The following GSE1 variants were observed in gnomAD, a reference collection of about 807,000 sequenced individuals.
GSE1 encodes the protein Gse1 coiled-coil protein.
A neutral mutation model predicts 112.6 loss-of-function variants in GSE1; 32 were observed. The observed-to-expected ratio is 0.28, with a 90% CI of 0.21 to 0.38. GSE1 has a LOEUF of 0.38. GSE1 is among the 10% of genes least tolerant of loss of function. GSE1 has a pLI of 1.00. For missense variants in GSE1, 2,348 were observed against 1,699.2 expected (o/e 1.38, Z -6.71); for synonymous variants, 1,115 against 735.6 (o/e 1.52, Z -8.35).
intron 1 of GSE1, among the ~76,000 whole-genome samples, chr16:85,233,155 C>T (rs1259310902): frequency 6.6e-6 from 1 of 152,282 alleles, no homozygotes; most frequent in African/African-American, 2.4e-5. Flanking sequence ...TCTTCTCATC[C>T]CCGACAGTCC....
intron 1 of GSE1, among the ~76,000 whole-genome samples, chr16:85,560,696 C>CTGTA (rs768320675): frequency 1.8e-4 from 27 of 152,052 alleles, no homozygotes; most frequent in South Asian, 4.2e-4. Flanking sequence ...AAACCTTCCT[C>CTGTA]TGTATGTATG....
chr16:85,261,593 T>G (rs1040505587), intron 1 of GSE1, among the ~76,000 whole-genome samples: 1 of 152,072 alleles, frequency 6.6e-6, no homozygotes, highest in African/African-American at 2.4e-5. Context: ...GGCTGCCCCG[T>G]GTGGTAGAGG....
Position 85,676,042 on chromosome 16 carries a change from T to G in GSE1, c.*3503T>G, listed in dbSNP as rs1365329204. 1.3e-5 allele frequency: 2 copies of G among 152,668 alleles called. No homozygotes were observed. The highest frequency in any genetic ancestry group is 1.9e-4 in the East Asian group (1 of 5,196). 9.5% of individuals were successfully genotyped at this position (152,668 alleles called of 1,614,324 possible). A position where few individuals can be genotyped will look rare whatever the true frequency, so the allele number is the denominator to read the frequency against. Reference sequence around the variant, plus strand: ...AGGAACACCGGTGCCTCGGTCACTCTGGGGGCAGTTTAGATGCTGTGAAAT... The same window carrying G: ...AGGAACACCGGTGCCTCGGTCACTCGGGGGGCAGTTTAGATGCTGTGAAAT... On this transcript the variant is annotated 3_prime_UTR_variant, in exon 16 of 16. Transcript: ENST00000253458.
At chr16:85,385,466 C>T (rs1361982836) in intron 2 of GSE1, among the ~76,000 whole-genome samples, 1 of 152,068 alleles carries the variant, frequency 6.6e-6, no homozygotes, top group Non-Finnish European at 1.5e-5. Flanking sequence ...GACATACTTG[C>T]CTCCCACCAC....
At chr16:85,660,917 A>G (rs899485114) in intron 8 of GSE1, among the ~76,000 whole-genome samples, 1 of 152,262 alleles carries the variant, frequency 6.6e-6, no homozygotes, top group East Asian at 2.0e-4. Context: ...GGGATGAGCC[A>G]CTGCGCCCGG....
chr16:85,281,678 G>T (rs1176777320), intron 1 of GSE1, among the ~76,000 whole-genome samples: 1 of 152,138 alleles, frequency 6.6e-6, no homozygotes, highest in South Asian at 2.1e-4. Context: ...CCTGGTCACC[G>T]TGGGCAAAAC....
intron 2 of GSE1, among the ~76,000 whole-genome samples, chr16:85,536,279 G>A (rs560736411): frequency 4.6e-5 from 7 of 152,214 alleles, no homozygotes; most frequent in South Asian, 4.1e-4. Flanking sequence ...AGGAGGTGTC[G>A]ACTGGGGCTC....
At chr16:85,548,875 C>T (rs771152518) in intron 2 of GSE1, among the ~76,000 whole-genome samples, 3 of 152,102 alleles carry the variant, frequency 2.0e-5, no homozygotes, top group South Asian at 4.1e-4. Context: ...CTGCAACCTC[C>T]GCCTCCTGGG....
intron 2 of GSE1, among the ~76,000 whole-genome samples, chr16:85,362,367 C>T (rs138165621): frequency 6.6e-6 from 1 of 152,210 alleles, no homozygotes; most frequent in East Asian, 1.9e-4. Context: ...TGGGAACAGG[C>T]TTCCCTAGAA....
chr16:85,390,699 T>A (rs2047819229), intron 2 of GSE1, among the ~76,000 whole-genome samples: 1 of 60,172 alleles, frequency 1.7e-5, no homozygotes, highest in Non-Finnish European at 4.6e-5. Context: ...ACCGCCTTGT[T>A]CTGCCCCCCC....
At chr16:85,469,372 G>C (rs767635157) in intron 2 of GSE1, among the ~76,000 whole-genome samples, 1 of 152,226 alleles carries the variant, frequency 6.6e-6, no homozygotes, top group Non-Finnish European at 1.5e-5. Context: ...TGGGAGTGGT[G>C]TGGCCACAAG....
chr16:85,524,328 T>C (rs2052292592), intron 2 of GSE1, among the ~76,000 whole-genome samples: 2 of 151,450 alleles, frequency 1.3e-5, no homozygotes, highest in African/African-American at 4.9e-5. Context: ...GCTTGCCGGC[T>C]CTGTGGCTTC....
At chr16:85,494,921 G>A (rs1218631511) in intron 2 of GSE1, among the ~76,000 whole-genome samples, 1 of 150,940 alleles carries the variant, frequency 6.6e-6, no homozygotes, top group African/African-American at 2.5e-5. Flanking sequence ...GCCTCTGCCG[G>A]TGCAGGCTTT....
intron 1 of GSE1, among the ~76,000 whole-genome samples, chr16:85,348,478 C>G (rs1166386830): frequency 2.6e-5 from 4 of 152,204 alleles, no homozygotes; most frequent in African/African-American, 9.7e-5. Flanking sequence ...CCGCCCAGGT[C>G]CCAGCTCTTT....
At chr16:85,523,835 A>G (rs952140206) in intron 2 of GSE1, among the ~76,000 whole-genome samples, 9 of 152,224 alleles carry the variant, frequency 5.9e-5, no homozygotes, top group Non-Finnish European at 1.5e-5. Context: ...CAGAGCCAGC[A>G]ACACCACGGG....
intron 8 of GSE1, among the ~76,000 whole-genome samples, chr16:85,660,716 T>A (rs572736654): frequency 1.3e-5 from 2 of 152,054 alleles, no homozygotes; most frequent in Non-Finnish European, 2.9e-5. Context: ...CTGCAACGTC[T>A]GCCTCCTGGG....
At chr16:85,627,836 G>A (rs963874170) in intron 1 of GSE1, among the ~76,000 whole-genome samples, 1 of 152,206 alleles carries the variant, frequency 6.6e-6, no homozygotes, top group Non-Finnish European at 1.5e-5. Flanking sequence ...AGGGCAGCAG[G>A]GGGGTGTGCT....
rs1172037242 is a variant in GSE1, at chr16:85,657,343, C to T, written c.1379C>T (p.Thr460Ile). 3 of 1,610,582 alleles carry T rather than the reference C, an allele frequency of 1.9e-6. No homozygotes were observed. The highest frequency in any genetic ancestry group is 2.7e-5 in the African/African-American group (2 of 74,970). ...PVQHPLHPVP[T>I]PHHTVPSLIS... The stretch of plus-strand genomic sequence containing the variant: ...CAACACCCCTTGCATCCGGTGCCCA[C>T]CCCACACCACACGGTGCCCAGCCTC... Residue 460 changes from threonine (T) to isoleucine (I), a missense_variant, in exon 8 of 16, where the codon ACC (threonine) becomes ATC (isoleucine). Coordinates refer to ENST00000253458, the MANE Select transcript of GSE1 (RefSeq NM_014615.5).
At chr16:85,300,729 T>G (rs751717520) in intron 1 of GSE1, among the ~76,000 whole-genome samples, 2 of 152,192 alleles carry the variant, frequency 1.3e-5, no homozygotes, top group Admixed American at 1.3e-4. Flanking sequence ...CACCAGGCAT[T>G]TTCACCTCCT....
Sources: allele counts gnomAD v4.1 joint callset (sites outside exome capture counted in the v4.1 genomes callset), GRCh38; gene constraint gnomAD v4.1.1; transcripts MANE v1.5; gene names NCBI Gene and HGNC (gene_info 2026-07-23, HGNC 2026-07-21).